The following MICAL3 variants were observed in gnomAD, a reference collection of about 807,000 sequenced individuals.
The protein encoded by MICAL3 is microtubule associated monooxygenase, calponin and LIM domain containing 3.
A neutral mutation model predicts 207.4 loss-of-function variants in MICAL3; 62 were observed. The ratio of observed to expected loss-of-function variants is 0.30; its 90% CI spans 0.24 to 0.37. The LOEUF is 0.37. Ranked by LOEUF, MICAL3 falls within the 10% of genes least tolerant of loss-of-function variation. The pLI is 1.00. For synonymous variants in MICAL3, 1,077 were observed against 1,069.3 expected, an observed-to-expected ratio of 1.01 and a Z score of -0.14; for missense variants, 2,368 against 2,635.6, an observed-to-expected ratio of 0.90 and a Z score of 2.22.
intron 22 of MICAL3, among the ~76,000 whole-genome samples, chr22:17,824,675 T>G (rs1921986739): frequency 6.6e-6 from 1 of 152,218 alleles, no homozygotes; most frequent in Non-Finnish European, 1.5e-5. Flanking sequence ...TAGGGCCATG[T>G]GCCTCCCTGA....
rs55654559 is a variant in MICAL3 at position 18,020,613 on chromosome 22, T to TAAAA, written c.-75+3664_-75+3667dup. On this transcript the variant is annotated intron_variant, in intron 1 of 31. Transcript: ENST00000441493. ...AAAATGGCTGTAAACCTTTAAAAAGTAAAAAAAAAAAAAAAAAAATAGGCT... is the reference window on the plus strand; with the variant it reads ...AAAATGGCTGTAAACCTTTAAAAAGTAAAAAAAAAAAAAAAAAAAAAAATAGGCT... Among the ~76,000 whole-genome samples the TAAAA allele has an allele frequency of 1.4e-3, 171 of 119,730 alleles. 1 individual carries two copies. The highest frequency in any genetic ancestry group is 4.7e-3 in the African/African-American group (143 of 30,214). 78.5% of individuals were successfully genotyped at this position (119,730 alleles called of 152,430 possible).
intron 19 of MICAL3, among the ~76,000 whole-genome samples, chr22:17,852,679 CA>C (rs1925461725): frequency 1.3e-5 from 2 of 152,208 alleles, no homozygotes; most frequent in Admixed American, 1.3e-4. Flanking sequence ...CCAGCAACCC[CA>C]GACAGGCCCT....
chr22:17,857,980 G>A (rs1926108446), intron 19 of MICAL3, among the ~76,000 whole-genome samples: 1 of 152,162 alleles, frequency 6.6e-6, no homozygotes, highest in Non-Finnish European at 1.5e-5. Flanking sequence ...CCCATTAAAG[G>A]GCCCCCAAAA....
chr22:17,835,092 G>A (rs1923224154), intron 20 of MICAL3, among the ~76,000 whole-genome samples: 1 of 152,210 alleles, frequency 6.6e-6, no homozygotes, highest in East Asian at 1.9e-4. Context: ...GCACAATGTG[G>A]GCACTGAATA....
intron 13 of MICAL3, among the ~76,000 whole-genome samples, chr22:17,888,373 G>C (rs1162879184): frequency 1.3e-5 from 2 of 152,194 alleles, no homozygotes; most frequent in Admixed American, 1.3e-4. Flanking sequence ...CACTATGAGA[G>C]CCTGAGACAG....
chr22:17,888,034 C>T (rs147059066), intron 13 of MICAL3, among the ~76,000 whole-genome samples: 92 of 152,276 alleles, frequency 6.0e-4, no homozygotes, highest in African/African-American at 1.9e-3. Context: ...TTTTGGATTT[C>T]AATGTTTCAT....
chr22:17,865,572 A>G (rs1483549818), intron 18 of MICAL3, among the ~76,000 whole-genome samples: 2 of 152,124 alleles, frequency 1.3e-5, no homozygotes, highest in African/African-American at 2.4e-5. Context: ...CTTCTGGAGG[A>G]GGCTCTAATC....
At chr22:17,987,174 C>G (rs1015346351) in intron 1 of MICAL3, among the ~76,000 whole-genome samples, 1 of 151,976 alleles carries the variant, frequency 6.6e-6, no homozygotes, top group Non-Finnish European at 1.5e-5. Flanking sequence ...CCAGGAGTTC[C>G]AGGCTGCAGT....
In MICAL3 at chr22:17,900,550, C is replaced by T. The variant is rs1445898293; in HGVS notation, c.847+292G>A. On this transcript the variant is annotated intron_variant, in intron 6 of 31. Transcript: ENST00000441493. The surrounding 1 kb of genome is among the most constrained non-coding windows in gnomAD (Gnocchi z 4.0). ...CCAGGAGTTCGAGGCTGCAGTGAGC[C>T]GAGATCACGCCACTGAACTCCAGCC... Among the ~76,000 whole-genome samples the T allele has an allele frequency of 6.6e-6, 1 of 152,032 alleles. No individual in the cohort carries two copies. The highest frequency in any genetic ancestry group is 1.5e-5 in the Non-Finnish European group (1 of 68,006).
Position 17,906,824 on chromosome 22 carries a change from C to T in MICAL3, c.-12G>A. 6.3e-7 allele frequency: 1 copy of T among 1,583,934 alleles called. No homozygotes were observed. The highest frequency in any genetic ancestry group is 1.2e-5 in the South Asian group (1 of 86,688). On this transcript the variant is annotated 5_prime_UTR_variant, in exon 2 of 32. Transcript: ENST00000441493. ...TTCCTCTCCTCCATGCTGCCTCACTCTCAGCACTCCCCAGAGGGGGAGGTG... is the reference window on the plus strand; with the variant it reads ...TTCCTCTCCTCCATGCTGCCTCACTTTCAGCACTCCCCAGAGGGGGAGGTG...
rs777401995 is a variant in MICAL3, at chr22:17,904,805, C to T, written c.299G>A (p.Arg100His). Residue 100 changes from arginine (R) to histidine (H), a missense_variant, in exon 3 of 32, where the codon CGT becomes CAT. Arg to His is a conservative substitution (Grantham distance 29, BLOSUM62 0). This residue lies in a region of MICAL3 where 400 missense variants were observed against 547.0 expected (regional missense o/e 0.73). Coordinates refer to ENST00000441493, the MANE Select transcript of MICAL3 (RefSeq NM_015241.3). ...LIIGAGPCGL[R>H]TAIDLSLLGA... ...CAGTAAGGATAAGTCGATGGCTGTACGGAGACCACAGGGGCCAGCCCCAAT... is the reference window on the plus strand; with the variant it reads ...CAGTAAGGATAAGTCGATGGCTGTATGGAGACCACAGGGGCCAGCCCCAAT... 9 of 1,613,848 alleles carry T rather than the reference C, an allele frequency of 5.6e-6. No homozygotes were observed. The highest frequency in any genetic ancestry group is 1.7e-5 in the Admixed American group (1 of 59,996).
At chr22:17,862,746 G>A (rs1926656268) in intron 19 of MICAL3, 1 of 985,494 alleles carries the variant, frequency 1.0e-6, no homozygotes, top group East Asian at 1.1e-4. Context: ...AGCTCACCGG[G>A]AGGCAAGGTG....
rs764830271 is a variant in MICAL3, at chr22:17,818,461, G to A, written c.4200C>T (p.Ser1400=). The A allele has an allele frequency of 3.7e-6, 6 of 1,613,042 alleles. No individual in the cohort carries two copies. The South Asian group carries it at 5.5e-5, about 15-fold the overall frequency. The change falls in exon 26 of 32, where the codon TCC becomes TCT. Residue 1400 remains serine, a synonymous_variant. Transcript: ENST00000441493. The stretch of plus-strand genomic sequence containing the variant: ...CGGACGGGGACCGGGGGGTTGGCAG[G>A]GACAACGGCTCGCCTTCCGGCTTTG... ...GLPKPEGEPL[S]LPTPRSPSDR...
intron 19 of MICAL3, chr22:17,863,467 T>C (rs1926732107): frequency 2.0e-6 from 2 of 985,380 alleles, no homozygotes; most frequent in Non-Finnish European, 2.4e-6. Flanking sequence ...GCTCTGAGAG[T>C]GTCAGCTGCA....
At chr22:17,801,974 G>A (rs368418874) in intron 29 of MICAL3, among the ~76,000 whole-genome samples, 2 of 152,064 alleles carry the variant, frequency 1.3e-5, no homozygotes, top group Non-Finnish European at 2.9e-5. Context: ...GTGTGTTACC[G>A]GCATCTTGAA....
chr22:17,822,791 T>C (rs1237849477), intron 23 of MICAL3, among the ~76,000 whole-genome samples, 156 bp downstream of exon 23: 6 of 152,066 alleles, frequency 3.9e-5, no homozygotes, highest in African/African-American at 1.4e-4. Flanking sequence ...GGGTAGGTGG[T>C]GGTTGGGTGG....
At chr22:17,854,186 C>CAA (rs1925646543) in intron 19 of MICAL3, among the ~76,000 whole-genome samples, 1 of 151,180 alleles carries the variant, frequency 6.6e-6, no homozygotes, top group Non-Finnish European at 1.5e-5. Flanking sequence ...GGTCACTTGG[C>CAA]AATGTCTGGA....
At chr22:18,020,202 G>C (rs1924370813) in intron 1 of MICAL3, 1 of 153,028 alleles carries the variant, frequency 6.5e-6, no homozygotes, top group Non-Finnish European at 1.5e-5. Context: ...TCAGTGATAT[G>C]ATTCTACTGC....
rs190850330 is a variant in MICAL3, at chr22:17,998,894, T to C, written c.-75+25387A>G. 3.6e-3 allele frequency among the ~76,000 whole-genome samples: 546 copies of C among 152,318 alleles called. 5 individuals are homozygous for C. Among genetic ancestry groups the C allele is most frequent in the African/African-American group, 0.013 (520 of 41,564 alleles). The stretch of plus-strand genomic sequence containing the variant: ...TAAAATGCCAGGCCCCATAATATTA[T>C]GGAACATAAATAAGCCAATGATGGC... On this transcript the variant is annotated intron_variant, in intron 1 of 31. Transcript: ENST00000441493.
Sources: allele counts gnomAD v4.1 joint callset (sites outside exome capture counted in the v4.1 genomes callset), GRCh38; gene constraint gnomAD v4.1.1; regional missense constraint gnomAD v4.1.1; non-coding constraint Gnocchi (gnomAD v3.1); transcripts MANE v1.5; gene names NCBI Gene and HGNC (gene_info 2026-07-23, HGNC 2026-07-21).